AKAP13: variants seen among roughly 807,000 people sequenced by gnomAD.
The protein encoded by AKAP13 is A-kinase anchoring protein 13, also known as A-kinase anchor protein 13.
A neutral mutation model predicts 264.5 loss-of-function variants in AKAP13; 80 were observed. The ratio of observed to expected loss-of-function variants is 0.30; its 90% CI spans 0.25 to 0.36. The LOEUF (loss-of-function observed/expected upper bound fraction) is 0.36. Ranked by LOEUF, AKAP13 falls within the 10% of genes least tolerant of loss-of-function variation. The pLI, the probability that AKAP13 is intolerant of heterozygous loss-of-function variation, is 1.00. For missense variants in AKAP13, 3,712 were observed against 3,435.2 expected, an observed-to-expected ratio of 1.08 and a Z score of -2.01; for synonymous variants, 1,380 against 1,250.2, an observed-to-expected ratio of 1.10 and a Z score of -2.19.
chr15:85,689,683 A>C (rs1280085090), intron 16 of AKAP13, among the ~76,000 whole-genome samples: 3 of 152,228 alleles, frequency 2.0e-5, no homozygotes, highest in South Asian at 4.1e-4. Context: ...AATAGGTAAG[A>C]TGTGTTCCTT....
intron 5 of AKAP13, among the ~76,000 whole-genome samples, chr15:85,563,251 A>C (rs753465828): frequency 9.3e-5 from 14 of 151,252 alleles, no homozygotes; most frequent in Non-Finnish European, 1.8e-4. Context: ...TTTGTGAACA[A>C]TATGGTGAGC....
At chr15:85,504,561 G>A (rs1426513825) in intron 2 of AKAP13, among the ~76,000 whole-genome samples, 1 of 141,374 alleles carries the variant, frequency 7.1e-6, no homozygotes, top group Admixed American at 7.2e-5. Flanking sequence ...GCATGGTGGC[G>A]TGCATTTATA....
chr15:85,612,505 G>A (rs55740125), intron 8 of AKAP13, among the ~76,000 whole-genome samples: 30,862 of 152,048 alleles, frequency 0.2, 4,144 homozygotes, highest in Middle Eastern at 0.41. Context: ...CATTTGAATT[G>A]ACTATTTGAT....
chr15:85,694,777 G>A (rs1027335572), intron 17 of AKAP13, among the ~76,000 whole-genome samples: 4 of 152,156 alleles, frequency 2.6e-5, no homozygotes, highest in Admixed American at 1.3e-4. Context: ...CCAGTCACCC[G>A]GAAGGCTGAG....
intron 10 of AKAP13, among the ~76,000 whole-genome samples, chr15:85,647,062 G>C (rs2082591846): frequency 6.6e-6 from 1 of 152,162 alleles, no homozygotes; most frequent in Admixed American, 6.5e-5. Context: ...TTGTGTTAGT[G>C]GGTGATTAGG....
chr15:85,557,821 C>T (rs1330255819), intron 5 of AKAP13, among the ~76,000 whole-genome samples: 2 of 152,152 alleles, frequency 1.3e-5, no homozygotes, highest in Non-Finnish European at 2.9e-5. Flanking sequence ...TATTTGGATA[C>T]TTTTGATTTT....
At chr15:85,606,208 TCTC>T (rs1304047272) in intron 8 of AKAP13, among the ~76,000 whole-genome samples, 5 of 149,276 alleles carry the variant, frequency 3.3e-5, no homozygotes, top group African/African-American at 1.2e-4. Flanking sequence ...TTCAAACAAT[TCTC>T]CTGCCTCAGC....
chr15:85,720,508 C>G (rs2087217773), intron 23 of AKAP13, among the ~76,000 whole-genome samples: 2 of 152,162 alleles, frequency 1.3e-5, no homozygotes, highest in Admixed American at 1.3e-4. Context: ...TTGTCATAGA[C>G]AGATTTTAAT....
At position 85,590,577 on chromosome 15, in the gene AKAP13, A is replaced by C. The variant is rs2079542942; in HGVS notation, c.4161+4754A>C. ...TTACTTATATTCTCAGAGAAAACAC[A>C]GGTATGTGTTAAATGCTGCAGATTT... On this transcript the variant is annotated intron_variant, in intron 8 of 36. Coordinates refer to ENST00000394518, the MANE Select transcript of AKAP13 (RefSeq NM_007200.5). Among the ~76,000 whole-genome samples the C allele has an allele frequency of 3.9e-5, 6 of 152,366 alleles. No individual in the cohort carries two copies. The South Asian group carries it at 1.2e-3, about 32-fold the overall frequency.
chr15:85,577,660 T>C (rs577732542), intron 6 of AKAP13: 2 of 387,786 alleles, frequency 5.2e-6, no homozygotes, highest in East Asian at 3.3e-4. Context: ...AGTTGCAAAA[T>C]CCATTTTTGA....
At chr15:85,599,328 C>T (rs909225970) in intron 8 of AKAP13, among the ~76,000 whole-genome samples, 9 of 152,262 alleles carry the variant, frequency 5.9e-5, no homozygotes, top group African/African-American at 2.2e-4. Flanking sequence ...TGGACAAGTG[C>T]TCTTAGGTTT....
At chr15:85,726,564 T>C in intron 27 of AKAP13, 78 bp downstream of exon 27, 1 of 1,233,576 alleles carries the variant, frequency 8.1e-7, no homozygotes, top group East Asian at 2.3e-5. Context: ...ATGTTATTGC[T>C]CTCCCCCGCC....
intron 5 of AKAP13, among the ~76,000 whole-genome samples, chr15:85,550,671 G>A (rs1269707178): frequency 1.3e-5 from 2 of 152,170 alleles, no homozygotes; most frequent in Non-Finnish European, 2.9e-5. Flanking sequence ...CTTTGCTTTT[G>A]CATAGTAAAG....
intron 1 of AKAP13, among the ~76,000 whole-genome samples, chr15:85,387,265 G>C (rs1326403748): frequency 1.3e-5 from 2 of 152,224 alleles, no homozygotes; most frequent in South Asian, 4.1e-4. Flanking sequence ...TAGCCCGGGA[G>C]ATGGAGGTTA....
At chr15:85,684,982 C>T (rs1341793681) in intron 16 of AKAP13, 109 bp downstream of exon 16, 1 of 1,309,836 alleles carries the variant, frequency 7.6e-7, no homozygotes, top group Non-Finnish European at 1.0e-6. Context: ...GAAATAAATT[C>T]AGGATTACTC....
At chr15:85,726,693 T>G (rs1227968627) in intron 27 of AKAP13, among the ~76,000 whole-genome samples, 1 of 152,218 alleles carries the variant, frequency 6.6e-6, no homozygotes, top group African/African-American at 2.4e-5. Context: ...CAGTCTTCTT[T>G]TAGTGTCTTG....
chr15:85,661,588 G>T (rs1031776837), intron 12 of AKAP13, among the ~76,000 whole-genome samples: 1 of 152,004 alleles, frequency 6.6e-6, no homozygotes, highest in Admixed American at 6.6e-5. Context: ...GGGTGTGGTG[G>T]TGCACACCTG....
intron 17 of AKAP13, among the ~76,000 whole-genome samples, chr15:85,700,773 A>T (rs1476355325): frequency 6.6e-6 from 1 of 152,160 alleles, no homozygotes; most frequent in Non-Finnish European, 1.5e-5. Context: ...TTTTCCTTCC[A>T]TCTCTAATTA....
intron 14 of AKAP13, among the ~76,000 whole-genome samples, chr15:85,677,911 G>C (rs1567190185): frequency 6.6e-6 from 1 of 152,102 alleles, no homozygotes; most frequent in Non-Finnish European, 1.5e-5. Flanking sequence ...GCCTCCCAAA[G>C]TACTGGGATT....
Sources: allele counts gnomAD v4.1 joint callset (sites outside exome capture counted in the v4.1 genomes callset), GRCh38; gene constraint gnomAD v4.1.1; transcripts MANE v1.5; gene names NCBI Gene and HGNC (gene_info 2026-07-23, HGNC 2026-07-21).